The following SIN3A variants were observed in gnomAD, a reference collection of about 807,000 sequenced individuals.
The protein encoded by SIN3A is paired amphipathic helix protein Sin3a.
In SIN3A, 14 loss-of-function variants were observed where a neutral mutation model predicts 146.1. That is an observed-to-expected ratio of 0.10 (90% CI 0.06 to 0.15). The LOEUF (loss-of-function observed/expected upper bound fraction) is 0.15. Ranked by LOEUF, SIN3A falls within the 10% of genes least tolerant of loss-of-function variation. The pLI is 1.00. For missense variants in SIN3A, 1,028 were observed against 1,576.0 expected (o/e 0.65, Z 5.89); for synonymous variants, 572 against 572.0 (o/e 1.00, Z 0.00).
chr15:75,407,086 CCAT>C lies in SIN3A; in HGVS notation c.1373_1375del (p.His458_Gly459delinsArg), dbSNP rs747637324. The C allele has an allele frequency of 8.1e-6, 13 of 1,613,046 alleles. No individual in the cohort carries two copies. The highest frequency in any genetic ancestry group is 4.5e-5 in the East Asian group (2 of 44,850). On this transcript the variant is annotated inframe_deletion, in exon 9 of 21. Transcript: ENST00000394947. ...AAAAAATAACGATTCTGTTCCACCACCATGTTTGCTGGCATCTGCCATAGAAGA... is the reference window on the plus strand; with the variant it reads ...AAAAAATAACGATTCTGTTCCACCACGTTTGCTGGCATCTGCCATAGAAGA...
intron 2 of SIN3A, among the ~76,000 whole-genome samples, chr15:75,423,332 T>C (rs1234823782): frequency 2.0e-5 from 3 of 152,038 alleles, no homozygotes; most frequent in Non-Finnish European, 1.5e-5. Context: ...CAAAAGGAAC[T>C]GGTTAAATAA....
In SIN3A at chr15:75,430,197, G is replaced by C; in HGVS notation, c.179C>G (p.Pro60Arg). 1 of 1,613,554 alleles carries C rather than the reference G, an allele frequency of 6.2e-7. No individual in the cohort carries two copies. The highest frequency in any genetic ancestry group is 8.5e-7 in the Non-Finnish European group (1 of 1,179,574). ...SATGIQYSVT[P>R]SYQVSAMPQS... ...TTGGCTCCAGCTTACCTGGTAGCTG[G>C]GTGTTACAGAGTACTGAATTCCCGT... Residue 60 changes from proline to arginine, a missense_variant, in exon 2 of 21, where the codon CCC (proline) becomes CGC (arginine). Around this residue, in one of 9 missense-constraint regions of SIN3A, gnomAD observed 152 missense variants for 231.5 expected, o/e 0.66. Transcript: ENST00000394947.
chr15:75,377,532 G>A (rs2141373654), intron 19 of SIN3A, among the ~76,000 whole-genome samples: 1 of 152,044 alleles, frequency 6.6e-6, no homozygotes, highest in East Asian at 1.9e-4. Flanking sequence ...GGGTGAGACA[G>A]GAGAATCACT....
chr15:75,374,281 AGG>A (rs1363098811), intron 20 of SIN3A, among the ~76,000 whole-genome samples: 2 of 152,158 alleles, frequency 1.3e-5, no homozygotes, highest in Non-Finnish European at 1.5e-5. Flanking sequence ...GGATCACTTG[AGG>A]TCAGGTTCGA....
At chr15:75,425,906 G>A (rs1263444019) in intron 2 of SIN3A, among the ~76,000 whole-genome samples, 1 of 152,166 alleles carries the variant, frequency 6.6e-6, no homozygotes, top group Non-Finnish European at 1.5e-5. Context: ...AGAAATGAGG[G>A]AGAGGGAGAA....
intron 3 of SIN3A, among the ~76,000 whole-genome samples, chr15:75,418,309 C>T (rs2073779362): frequency 6.6e-6 from 1 of 150,918 alleles, no homozygotes; most frequent in Admixed American, 6.6e-5. Context: ...GGATTACAGG[C>T]GTAAGCCACT....
intron 19 of SIN3A, among the ~76,000 whole-genome samples, chr15:75,380,418 G>GT (rs988864266): frequency 1.3e-5 from 2 of 152,178 alleles, no homozygotes; most frequent in African/African-American, 4.8e-5. Flanking sequence ...GGTTATTGTT[G>GT]ATTCTCTACA....
chr15:75,423,935 C>CA (rs1009378310), intron 2 of SIN3A, among the ~76,000 whole-genome samples: 1 of 152,046 alleles, frequency 6.6e-6, no homozygotes, highest in African/African-American at 2.4e-5. Flanking sequence ...GTGGAGGTTG[C>CA]AGTGAGCTGA....
chr15:75,408,925 C>T (rs2141482271), intron 8 of SIN3A, among the ~76,000 whole-genome samples: 1 of 152,302 alleles, frequency 6.6e-6, no homozygotes, highest in Non-Finnish European at 1.5e-5. Context: ...AAGAAGGGGC[C>T]AGGCGCGGTG....
upstream of SIN3A, chr15:75,455,501 G>A (rs2074476200): frequency 6.6e-6 from 1 of 152,324 alleles, no homozygotes; most frequent in Non-Finnish European, 1.5e-5. Context: ...GATAAACTAG[G>A]CTACACGGCC....
intron 20 of SIN3A, 127 bp from the exon 21 acceptor site, chr15:75,372,336 G>C (rs1277271982): frequency 2.0e-6 from 1 of 498,344 alleles, no homozygotes. Flanking sequence ...AGATACCACT[G>C]TTTTTTTCTT....
intron 1 of SIN3A, chr15:75,448,175 TAA>T (rs59766455): frequency 4.2e-4 from 56 of 133,928 alleles, no homozygotes; most frequent in Admixed American, 6.2e-4. Flanking sequence ...AGACTTCGTC[TAA>T]AAAAAAAAAA....
intron 6 of SIN3A, 39 bp from the exon 7 acceptor site, chr15:75,410,325 T>C (rs1308474689): frequency 6.3e-7 from 1 of 1,596,276 alleles, no homozygotes; most frequent in African/African-American, 1.4e-5. Context: ...TTTGGGCTAC[T>C]GTTTTGAGTC....
chr15:75,402,949 C>G (rs928673059), intron 9 of SIN3A, among the ~76,000 whole-genome samples: 3 of 151,826 alleles, frequency 2.0e-5, no homozygotes, highest in African/African-American at 7.3e-5. Flanking sequence ...AAAAAGGAGT[C>G]ATTTTTAAAA....
chr15:75,453,502 G>C (rs1420683830), upstream of SIN3A: 1 of 152,338 alleles, frequency 6.6e-6, no homozygotes, highest in Non-Finnish European at 1.5e-5. Context: ...ATGGTATCAA[G>C]AACTACTCAG....
At chr15:75,375,219 A>C (rs919433062) in intron 20 of SIN3A, among the ~76,000 whole-genome samples, 1 of 152,166 alleles carries the variant, frequency 6.6e-6, no homozygotes, top group Non-Finnish European at 1.5e-5. Flanking sequence ...TCAAACAAAC[A>C]AACAAAAAAT....
Position 75,392,959 on chromosome 15 carries a change from G to A in SIN3A, c.2278-144C>T, listed in dbSNP as rs372187359. On this transcript the variant is annotated intron_variant, in intron 14 of 20. Coordinates refer to ENST00000394947, the MANE Select transcript of SIN3A (RefSeq NM_001145358.2). ...AAACTTAGGACCTGGGACTGGGAGC[G>A]GTGGCTCACGTCTATAATCCCAGCA... 4.4e-4 allele frequency: 287 copies of A among 646,042 alleles called. 1 individual carries two copies. The highest frequency in any genetic ancestry group is 1.1e-3 in the East Asian group (40 of 35,922). 40.0% of individuals were successfully genotyped at this position (646,042 alleles called of 1,614,324 possible). A position where few individuals can be genotyped will look rare whatever the true frequency, so the allele number is the denominator to read the frequency against.
intron 19 of SIN3A, among the ~76,000 whole-genome samples, chr15:75,377,638 G>GA (rs1007214013): frequency 1.4e-4 from 21 of 148,038 alleles, no homozygotes; most frequent in Middle Eastern, 3.5e-3. Flanking sequence ...AAAAAAAAAA[G>GA]AAAAAAAAAG....
chr15:75,383,271 TAAAAA>T (rs79340346), intron 17 of SIN3A, among the ~76,000 whole-genome samples: 1 of 129,126 alleles, frequency 7.7e-6, no homozygotes, highest in Admixed American at 7.9e-5. Flanking sequence ...GTCCCTGTCT[TAAAAA>T]AAAAAAAAAA....
Sources: allele counts gnomAD v4.1 joint callset (sites outside exome capture counted in the v4.1 genomes callset), GRCh38; gene constraint gnomAD v4.1.1; regional missense constraint gnomAD v4.1.1; transcripts MANE v1.5; gene names NCBI Gene and HGNC (gene_info 2026-07-23, HGNC 2026-07-21).